Variants in NTNG1 observed in about 807,000 individuals in gnomAD.
NTNG1 encodes the protein netrin-G1.
NTNG1 carries 16 observed loss-of-function variants against 54.0 expected under a neutral mutation model. The observed-to-expected ratio is 0.30, with a 90% CI of 0.20 to 0.45. The LOEUF is 0.45. NTNG1 is among the 20% of genes least tolerant of loss of function. The pLI is 1.00. For missense variants in NTNG1, 530 were observed against 678.7 expected (o/e 0.78, Z 2.43); for synonymous variants, 255 against 263.1 (o/e 0.97, Z 0.30).
intron 7 of NTNG1, among the ~76,000 whole-genome samples, chr1:107,465,314 C>A (rs1046111039): frequency 5.9e-5 from 9 of 152,162 alleles, no homozygotes; most frequent in Non-Finnish European, 1.2e-4. Flanking sequence ...GTGTCTACTA[C>A]CTTTAAGGAA....
intron 1 of NTNG1, among the ~76,000 whole-genome samples, chr1:107,146,652 C>G (rs1364280585): frequency 1.3e-5 from 2 of 152,008 alleles, no homozygotes; most frequent in Non-Finnish European, 2.9e-5. Flanking sequence ...CATAGGAACT[C>G]AAATATTCAA....
At chr1:107,141,643 T>G (rs930993648) in intron 1 of NTNG1, among the ~76,000 whole-genome samples, 3 of 152,122 alleles carry the variant, frequency 2.0e-5, no homozygotes, top group African/African-American at 7.2e-5. Flanking sequence ...CGCGGAGCCC[T>G]ACGCGCACAC....
At chr1:107,282,040 G>A (rs1664898201) in intron 2 of NTNG1, among the ~76,000 whole-genome samples, 1 of 152,026 alleles carries the variant, frequency 6.6e-6, no homozygotes, top group African/African-American at 2.4e-5. Flanking sequence ...TCTGACACGT[G>A]GACTTTTTGG....
chr1:107,208,017 G>T (rs1331334996), intron 2 of NTNG1, among the ~76,000 whole-genome samples: 1 of 152,168 alleles, frequency 6.6e-6, no homozygotes, highest in African/African-American at 2.4e-5. Context: ...CATTGTCCCT[G>T]TCCCCCTCCT....
Position 107,141,155 on chromosome 1 carries a change from G to A in NTNG1, c.-526+15G>A, listed in dbSNP as rs1202354218. The A allele has an allele frequency of 2.6e-5, 4 of 152,302 alleles. No individual in the cohort carries two copies. The highest frequency in any genetic ancestry group is 5.9e-5 in the Non-Finnish European group (4 of 67,980). The allele number at this position is 152,302 out of a possible 1,614,324, so 9.4% of individuals were successfully genotyped here. A position where few individuals can be genotyped will look rare whatever the true frequency, so the allele number is the denominator to read the frequency against. On this transcript the variant is annotated intron_variant, in intron 1 of 7. Transcript: ENST00000370068. ...CGGAGGCGAAGGTAATTAAGCGGCG[G>A]GGAGTGGCGGGCCGGCGCTGGGTTC...
chr1:107,326,905 A>T (rs1667989395), intron 3 of NTNG1, among the ~76,000 whole-genome samples: 1 of 152,132 alleles, frequency 6.6e-6, no homozygotes, highest in South Asian at 2.1e-4. Context: ...TGCATTCTCC[A>T]CTGATGTCAA....
chr1:107,322,030 A>T (rs1667688620), intron 2 of NTNG1, among the ~76,000 whole-genome samples: 1 of 152,210 alleles, frequency 6.6e-6, no homozygotes, highest in African/African-American at 2.4e-5. Context: ...GCAAGTGCTA[A>T]CTAAATGGTG....
intron 2 of NTNG1, among the ~76,000 whole-genome samples, chr1:107,172,667 GC>G (rs1174020128): frequency 6.6e-6 from 1 of 152,096 alleles, no homozygotes; most frequent in Non-Finnish European, 1.5e-5. Context: ...TACTGACTAT[GC>G]TTTTAAAAGT....
intron 3 of NTNG1, among the ~76,000 whole-genome samples, chr1:107,388,312 G>A (rs951285072): frequency 2.6e-5 from 4 of 152,122 alleles, no homozygotes; most frequent in African/African-American, 7.2e-5. Flanking sequence ...CCCCACAACC[G>A]TCCTTTGAAA....
At position 107,436,736 on chromosome 1, in the gene NTNG1, G is replaced by C; in HGVS notation, c.1327G>C (p.Gly443Arg). The change falls in exon 7 of 8, where the codon GGA becomes CGA. Residue 443 changes from glycine (G) to arginine (R), a missense_variant. This residue lies in a region of NTNG1 where 212 missense variants were observed against 213.6 expected (regional missense o/e 0.99). Coordinates refer to ENST00000370068, the MANE Select transcript of NTNG1 (RefSeq NM_001113226.3). The part of the protein sequence containing the change: ...NGSGFCECKT[G>R]TTGPKCDECL... ...CTCAGGATTTTGTGAGTGTAAGACT[G>C]GAACAACAGGGCCTAAGTGTGATGA... 1.2e-6 allele frequency: 2 copies of C among 1,613,322 alleles called. No individual in the cohort carries two copies. Among genetic ancestry groups the C allele is most frequent in the Non-Finnish European group, 1.7e-6 (2 of 1,179,458 alleles).
At chr1:107,390,140 A>G (rs573878346) in intron 3 of NTNG1, among the ~76,000 whole-genome samples, 18 of 152,318 alleles carry the variant, frequency 1.2e-4, no homozygotes, top group African/African-American at 4.1e-4. Context: ...GTCCTCTCCA[A>G]ACAAAGGAAG....
intron 2 of NTNG1, among the ~76,000 whole-genome samples, chr1:107,279,385 C>A (rs1664682249): frequency 6.6e-6 from 1 of 151,998 alleles, no homozygotes. Flanking sequence ...TGTTTTCTTC[C>A]CTCTTGAATT....
chr1:107,478,674 A>T (rs1189483608), intron 7 of NTNG1, among the ~76,000 whole-genome samples: 3 of 152,252 alleles, frequency 2.0e-5, no homozygotes, highest in Non-Finnish European at 4.4e-5. Flanking sequence ...TATCCCATTC[A>T]GCATTCTGCT....
rs533499883 is a variant in NTNG1 at position 107,148,777 on chromosome 1, A to G, written c.184A>G (p.Lys62Glu). Residue 62 changes from lysine (K) to glutamate (E), a missense_variant, in exon 2 of 8, where the codon AAA becomes GAA. Physicochemically the swap from Lys to Glu is moderately conservative, Grantham distance 56. Around this residue, in one of 2 missense-constraint regions of NTNG1, gnomAD observed 318 missense variants for 465.1 expected, o/e 0.68. Coordinates refer to ENST00000370068, the MANE Select transcript of NTNG1 (RefSeq NM_001113226.3). Reference protein sequence around the residue: ...PESTDMTKYLKVKLDPPDITC... With the variant: ...PESTDMTKYLEVKLDPPDITC... ...ATCCACGGACATGACAAAATATCTG[A>G]AAGTGAAACTCGATCCTCCGGATAT... is the stretch of plus-strand genomic sequence containing the variant. The G allele has an allele frequency of 1.2e-5, 20 of 1,613,702 alleles. No individual in the cohort carries two copies. The East Asian group carries it at 3.8e-4, about 31-fold the overall frequency.
intron 2 of NTNG1, among the ~76,000 whole-genome samples, chr1:107,154,638 A>G (rs562625136): frequency 1.4e-5 from 2 of 146,140 alleles, no homozygotes; most frequent in South Asian, 2.2e-4. Flanking sequence ...GGTGGAGCAG[A>G]TGGTGGCACA....
intron 5 of NTNG1, among the ~76,000 whole-genome samples, chr1:107,420,133 G>C (rs747280490): frequency 5.3e-5 from 8 of 152,026 alleles, no homozygotes; most frequent in Non-Finnish European, 1.0e-4. Flanking sequence ...GTTTTGAGCT[G>C]AACAAGATTA....
intron 7 of NTNG1, among the ~76,000 whole-genome samples, chr1:107,437,211 T>G (rs1436435578): frequency 2.3e-4 from 35 of 152,222 alleles, no homozygotes. Context: ...ACATAACTTA[T>G]TACTACCCTT....
chr1:107,261,704 G>A (rs1663347400), intron 2 of NTNG1, among the ~76,000 whole-genome samples: 2 of 152,060 alleles, frequency 1.3e-5, no homozygotes, highest in Admixed American at 6.5e-5. Flanking sequence ...TTAGCCGGGC[G>A]TGGTGGCGGG....
chr1:107,336,241 T>G lies in NTNG1; in HGVS notation c.887+11319T>G, dbSNP rs545748977. On this transcript the variant is annotated intron_variant, in intron 3 of 7. Coordinates refer to ENST00000370068, the MANE Select transcript of NTNG1 (RefSeq NM_001113226.3). ...CAAAGTCACAGTAGTCAAAACTGTG[T>G]GGTACTGACATAAAGATAGACATAC... is the stretch of plus-strand genomic sequence containing the variant. 9.2e-5 allele frequency among the ~76,000 whole-genome samples: 14 copies of G among 151,464 alleles called. 1 individual carries two copies. The East Asian group carries it at 1.9e-3, about 21-fold the overall frequency.
Sources: allele counts gnomAD v4.1 joint callset (sites outside exome capture counted in the v4.1 genomes callset), GRCh38; gene constraint gnomAD v4.1.1; regional missense constraint gnomAD v4.1.1; transcripts MANE v1.5; gene names NCBI Gene and HGNC (gene_info 2026-07-23, HGNC 2026-07-21).